Variants in MTHFD2L observed in about 807,000 individuals in gnomAD.
MTHFD2L encodes the protein methylenetetrahydrofolate dehydrogenase (NADP+ dependent) 2 like, also known as bifunctional methylenetetrahydrofolate dehydrogenase/cyclohydrolase 2, mitochondrial.
In MTHFD2L, 29 loss-of-function variants were observed where a neutral mutation model predicts 34.9. That is an observed-to-expected ratio of 0.83 (90% CI 0.62 to 1.13). The LOEUF is 1.13. Among genes scored for constraint, MTHFD2L ranks in the 50% most tolerant of loss-of-function variants. MTHFD2L has a pLI of 0.00. For synonymous variants in MTHFD2L, 167 were observed against 155.7 expected (o/e 1.07, Z -0.54); for missense variants, 481 against 446.5 (o/e 1.08, Z -0.70).
chr4:74,231,781 A>G (rs1371841316), intron 6 of MTHFD2L, among the ~76,000 whole-genome samples: 1 of 152,198 alleles, frequency 6.6e-6, no homozygotes, highest in African/African-American at 2.4e-5. Context: ...AGCGATGTCT[A>G]CTTTATATTT....
intron 5 of MTHFD2L, among the ~76,000 whole-genome samples, chr4:74,218,619 C>G (rs745533872): frequency 1.3e-5 from 2 of 151,424 alleles, no homozygotes; most frequent in South Asian, 2.1e-4. Context: ...TTCAAGCCCC[C>G]CCCCCACCAC....
intron 2 of MTHFD2L, among the ~76,000 whole-genome samples, chr4:74,116,674 T>C (rs1164270199): frequency 6.6e-6 from 1 of 152,202 alleles, no homozygotes; most frequent in Admixed American, 6.5e-5. Flanking sequence ...TTCATCCTTA[T>C]TTTTAGGTTA....
At chr4:74,267,253 G>C (rs1485987182) in intron 6 of MTHFD2L, 1 of 984,334 alleles carries the variant, frequency 1.0e-6, no homozygotes, top group Non-Finnish European at 1.2e-6. Flanking sequence ...ATTGGTGTCT[G>C]TTTGCAGGAA....
chr4:74,202,831 G>C (rs1445617693), intron 5 of MTHFD2L, among the ~76,000 whole-genome samples: 1 of 152,080 alleles, frequency 6.6e-6, no homozygotes, highest in African/African-American at 2.4e-5. Context: ...TATTTAACCA[G>C]AATGATAGAC....
chr4:74,289,278 C>A (rs754437425), intron 7 of MTHFD2L, among the ~76,000 whole-genome samples: 1 of 152,106 alleles, frequency 6.6e-6, no homozygotes, highest in Non-Finnish European at 1.5e-5. Context: ...TTATGCTAAC[C>A]TGAATAAATG....
intron 6 of MTHFD2L, among the ~76,000 whole-genome samples, chr4:74,229,339 G>A (rs1349173549): frequency 6.6e-6 from 1 of 152,114 alleles, no homozygotes; most frequent in African/African-American, 2.4e-5. Flanking sequence ...CATTGTGTGT[G>A]GGAACTAAAC....
At chr4:74,227,899 T>C (rs540716861) in intron 6 of MTHFD2L, among the ~76,000 whole-genome samples, 2 of 152,172 alleles carry the variant, frequency 1.3e-5, no homozygotes, top group Non-Finnish European at 2.9e-5. Context: ...GTCTAGATTT[T>C]GCTCTAATTT....
intron 6 of MTHFD2L, among the ~76,000 whole-genome samples, chr4:74,227,743 A>T (rs139788293): frequency 6.6e-6 from 1 of 152,224 alleles, no homozygotes; most frequent in African/African-American, 2.4e-5. Context: ...CTGACAGCAG[A>T]TCAACATGGT....
chr4:74,218,281 G>C (rs1737541862), intron 5 of MTHFD2L, among the ~76,000 whole-genome samples: 2 of 152,028 alleles, frequency 1.3e-5, no homozygotes, highest in Admixed American at 6.6e-5. Flanking sequence ...GAGTTGCATA[G>C]GAAAACATCT....
intron 6 of MTHFD2L, among the ~76,000 whole-genome samples, chr4:74,252,042 T>C (rs886185019): frequency 3.3e-5 from 5 of 152,112 alleles, no homozygotes; most frequent in African/African-American, 1.2e-4. Context: ...CCCACACAAG[T>C]TGGGCATATA....
upstream of MTHFD2L, among the ~76,000 whole-genome samples, chr4:74,125,287 A>C (rs1721991974): frequency 6.6e-6 from 1 of 152,164 alleles, no homozygotes; most frequent in Non-Finnish European, 1.5e-5. Flanking sequence ...TGGAAAAGTA[A>C]GTGGGGTTCC....
intron 5 of MTHFD2L, among the ~76,000 whole-genome samples, chr4:74,223,730 C>T (rs772073366): frequency 1.4e-4 from 21 of 151,902 alleles, no homozygotes; most frequent in Non-Finnish European, 2.7e-4. Flanking sequence ...TTGCTAAGTT[C>T]TTAAATTTTT....
chr4:74,284,986 T>C (rs1241433052), intron 7 of MTHFD2L, among the ~76,000 whole-genome samples: 2 of 152,246 alleles, frequency 1.3e-5, no homozygotes, highest in East Asian at 1.9e-4. Flanking sequence ...GTGGCACATA[T>C]ACACCATTGA....
chr4:74,124,511 G>A (rs6858056), upstream of MTHFD2L, among the ~76,000 whole-genome samples: 557 of 151,204 alleles, frequency 3.7e-3, 4 homozygotes, highest in African/African-American at 0.013. Flanking sequence ...TTTTTATATT[G>A]ACATTCAAAA....
upstream of MTHFD2L, among the ~76,000 whole-genome samples, chr4:74,124,858 A>C (rs188522036): frequency 2.8e-3 from 430 of 152,252 alleles, 1 homozygote; most frequent in African/African-American, 9.6e-3. Flanking sequence ...GAAATCATGT[A>C]AGTACTTTCA....
intron 7 of MTHFD2L, among the ~76,000 whole-genome samples, chr4:74,289,573 G>T (rs1360189463): frequency 1.3e-5 from 2 of 152,180 alleles, no homozygotes; most frequent in Non-Finnish European, 2.9e-5. Flanking sequence ...TTTTAACAGT[G>T]TCACTCTGGC....
chr4:74,172,797 G>T (rs1041157645), intron 1 of MTHFD2L, among the ~76,000 whole-genome samples: 4 of 152,142 alleles, frequency 2.6e-5, no homozygotes, highest in Non-Finnish European at 5.9e-5. Context: ...CATCAAAATT[G>T]CATGAACTGA....
chr4:74,152,672 C>T (rs984635648), intron 1 of MTHFD2L, among the ~76,000 whole-genome samples: 9 of 152,092 alleles, frequency 5.9e-5, no homozygotes, highest in African/African-American at 1.9e-4. Context: ...CTCTCCCTTC[C>T]CTTGTCTCCA....
intron 6 of MTHFD2L, among the ~76,000 whole-genome samples, chr4:74,270,168 T>A (rs1046990250): frequency 6.6e-6 from 1 of 151,548 alleles, no homozygotes; most frequent in Non-Finnish European, 1.5e-5. Context: ...TTTTTTTCTT[T>A]TTATTATTAT....
Sources: gnomAD v4.1 joint callset for allele counts (sites outside exome capture counted in the v4.1 genomes callset) on GRCh38, gnomAD v4.1.1 for gene constraint, MANE v1.5 for transcripts, NCBI Gene and HGNC (gene_info 2026-07-23, HGNC 2026-07-21) for gene names.